The following TLE1 variants were observed in gnomAD, a reference collection of about 807,000 sequenced individuals.
The protein encoded by TLE1 is transducin-like enhancer protein 1.
In TLE1, 21 loss-of-function variants were observed where a neutral mutation model predicts 89.8. That is an observed-to-expected ratio of 0.23 (90% CI 0.17 to 0.34). The LOEUF (loss-of-function observed/expected upper bound fraction) is 0.34, where lower values mean the gene tolerates loss of function less well. Ranked by LOEUF, TLE1 falls within the 10% of genes least tolerant of loss-of-function variation. The pLI is 1.00. For synonymous variants in TLE1, 447 were observed against 407.6 expected (o/e 1.10, Z -1.16); for missense variants, 795 against 1,031.2 (o/e 0.77, Z 3.14).
Position 81,585,508 on chromosome 9 carries a change from A to C in TLE1, c.2125T>G (p.Cys709Gly). The C allele has an allele frequency of 6.2e-7, 1 of 1,613,378 alleles. No homozygotes were observed. ...SCVLSLKFAY[C>G]GKWFVSTGKD... Reference sequence around the variant, plus strand: ...GTTTCCTTTCGGCTGAACTCACCACAGTAAGCAAATTTCAGGGACAGCACG... The same window carrying C: ...GTTTCCTTTCGGCTGAACTCACCACCGTAAGCAAATTTCAGGGACAGCACG... Residue 709 changes from cysteine to glycine, a missense_variant, in exon 18 of 20, where the codon TGT becomes GGT. Transcript: ENST00000376499.
Position 81,654,056 on chromosome 9 carries a change from CA to C in TLE1, c.235-21del, listed in dbSNP as rs1564031103. On this transcript the variant is annotated intron_variant, in intron 4 of 19. Transcript: ENST00000376499. ...TTCAGTCTATAAAGACAAAGCCACA[CA>C]AATGTTTAGAATACTTCACAATCAG... The C allele has an allele frequency of 1.2e-6, 2 of 1,613,268 alleles. No homozygotes were observed. The highest frequency in any genetic ancestry group is 1.7e-6 in the Non-Finnish European group (2 of 1,179,506).
At chr9:81,584,354 C>G (rs1461987154) in intron 19 of TLE1, 49 bp from the exon 20 acceptor site, 1 of 1,609,416 alleles carries the variant, frequency 6.2e-7, no homozygotes, top group Admixed American at 1.7e-5. Context: ...CAACGGTACT[C>G]AGAGGCCCTG....
chr9:81,610,101 G>T, intron 14 of TLE1, 119 bp downstream of exon 14: 1 of 842,250 alleles, frequency 1.2e-6, no homozygotes, highest in African/African-American at 1.7e-5. Flanking sequence ...CTCAGGAAAA[G>T]ACACCAGAAA....
intron 4 of TLE1, among the ~76,000 whole-genome samples, chr9:81,671,789 T>C (rs901776903): frequency 3.3e-5 from 5 of 152,214 alleles, no homozygotes; most frequent in African/African-American, 1.2e-4. Flanking sequence ...AGATTTCTTA[T>C]AAGATTCAAA....
At chr9:81,658,482 C>T (rs972080199) in intron 4 of TLE1, among the ~76,000 whole-genome samples, 1 of 152,136 alleles carries the variant, frequency 6.6e-6, no homozygotes, top group Non-Finnish European at 1.5e-5. Flanking sequence ...CCCAAGACTT[C>T]CCCTCCGTCT....
chr9:81,673,145 C>T (rs1163577243), intron 4 of TLE1, among the ~76,000 whole-genome samples: 5 of 151,906 alleles, frequency 3.3e-5, no homozygotes, highest in Admixed American at 3.3e-4. Context: ...TGGTGGTGCA[C>T]GCCTGTAATC....
At chr9:81,648,331 A>G (rs2049823940) in intron 6 of TLE1, among the ~76,000 whole-genome samples, 1 of 149,098 alleles carries the variant, frequency 6.7e-6, no homozygotes, top group Non-Finnish European at 1.5e-5. Context: ...AGAAAGAAAG[A>G]AAAAAAAAAG....
intron 4 of TLE1, among the ~76,000 whole-genome samples, chr9:81,683,664 C>T (rs1833896359): frequency 1.3e-5 from 2 of 152,168 alleles, no homozygotes; most frequent in African/African-American, 4.8e-5. Flanking sequence ...AAGGGTCTGT[C>T]AGCATTTCCA....
At chr9:81,683,427 A>C (rs1262536201) in intron 4 of TLE1, among the ~76,000 whole-genome samples, 1 of 152,022 alleles carries the variant, frequency 6.6e-6, no homozygotes, top group Admixed American at 6.5e-5. Context: ...CTACAATATA[A>C]TGAGCACTTA....
At chr9:81,663,688 T>C (rs1285141161) in intron 4 of TLE1, among the ~76,000 whole-genome samples, 1 of 148,708 alleles carries the variant, frequency 6.7e-6, no homozygotes, top group Non-Finnish European at 1.5e-5. Context: ...AGTGGCGCAA[T>C]CTCGGCTCAC....
At chr9:81,653,398 A>G (rs1374096158) in intron 5 of TLE1, among the ~76,000 whole-genome samples, 13 of 152,232 alleles carry the variant, frequency 8.5e-5, no homozygotes, top group Admixed American at 8.5e-4. Context: ...AGTCAGTTTC[A>G]TAGATTACTC....
In TLE1 at chr9:81,661,180, A is replaced by G. The variant is rs1489594442; in HGVS notation, c.235-7144T>C. Among the ~76,000 whole-genome samples the G allele has an allele frequency of 4.1e-5, 5 of 121,604 alleles. No homozygotes were observed. The East Asian group carries it at 7.3e-4, about 18-fold the overall frequency. The allele number at this position is 121,604 out of a possible 152,430, so 79.8% of individuals were successfully genotyped here. A position where few individuals can be genotyped will look rare whatever the true frequency, so the allele number is the denominator to read the frequency against. On this transcript the variant is annotated intron_variant, in intron 4 of 19. Coordinates refer to ENST00000376499, the MANE Select transcript of TLE1 (RefSeq NM_005077.5). ...AAAAAATACATATATATTTATATAT[A>G]TGTATTTTTATATATATATGTATTT...
At chr9:81,621,058 AG>A (rs1825184443) in intron 8 of TLE1, 1 of 253,582 alleles carries the variant, frequency 3.9e-6, no homozygotes, top group South Asian at 3.8e-5. Context: ...GCAACAATGA[AG>A]GAACTCTTTT....
intron 14 of TLE1, among the ~76,000 whole-genome samples, chr9:81,599,550 G>A (rs1234009978): frequency 6.6e-6 from 1 of 152,122 alleles, no homozygotes; most frequent in Admixed American, 6.5e-5. Context: ...TAAAGGCGGT[G>A]GCTGGGAGGA....
chr9:81,587,903 G>T, intron 16 of TLE1, 75 bp from the exon 17 acceptor site: 3 of 482,848 alleles, frequency 6.2e-6, no homozygotes, highest in Non-Finnish European at 3.1e-6. Context: ...TGTTAGTTTT[G>T]GACCGTGTGT....
intron 6 of TLE1, among the ~76,000 whole-genome samples, chr9:81,646,989 T>C (rs1418276143): frequency 1.3e-5 from 2 of 151,986 alleles, no homozygotes; most frequent in African/African-American, 4.8e-5. Context: ...TACATCCAAA[T>C]AAGTGAGAAA....
At chr9:81,600,080 C>A in intron 14 of TLE1, 1 of 740,460 alleles carries the variant, frequency 1.4e-6, no homozygotes, top group South Asian at 1.5e-5. Flanking sequence ...TTACACGTTT[C>A]CAAACTTCTC....
At chr9:81,614,125 G>A (rs1470457839) in intron 11 of TLE1, among the ~76,000 whole-genome samples, 1 of 151,930 alleles carries the variant, frequency 6.6e-6, no homozygotes, top group African/African-American at 2.4e-5. Context: ...AGCCAGGATG[G>A]TCTCGATCTC....
chr9:81,666,699 C>T (rs1037635957), intron 4 of TLE1, among the ~76,000 whole-genome samples: 3 of 151,710 alleles, frequency 2.0e-5, no homozygotes, highest in Non-Finnish European at 4.4e-5. Context: ...CGCTTGAACC[C>T]GGGAAGCGGA....
Sources: allele counts gnomAD v4.1 joint callset (sites outside exome capture counted in the v4.1 genomes callset), GRCh38; gene constraint gnomAD v4.1.1; transcripts MANE v1.5; gene names NCBI Gene and HGNC (gene_info 2026-07-23, HGNC 2026-07-21).